The following GSE1 variants were observed in gnomAD, a reference collection of about 807,000 sequenced individuals.
The protein encoded by GSE1 is genetic suppressor element 1.
In GSE1, 32 loss-of-function variants were observed where a neutral mutation model predicts 112.6. That is an observed-to-expected ratio of 0.28 (90% CI 0.21 to 0.38). The LOEUF is 0.38. GSE1 is among the 10% of genes least tolerant of loss of function. The probability of loss-of-function intolerance (pLI) is 1.00; values close to 1 mark genes in which losing one functional copy is unlikely to be tolerated. For missense variants in GSE1, 2,348 were observed against 1,699.2 expected (o/e 1.38, Z -6.71); for synonymous variants, 1,115 against 735.6 (o/e 1.52, Z -8.35).
chr16:85,169,924 G>A (rs998203712), exon 1 of GSE1: 24 of 984,502 alleles, frequency 2.4e-5, no homozygotes, highest in Non-Finnish European at 2.9e-5. Context: ...CGGCGCCGGG[G>A]CCCCCCGCGA....
At chr16:85,465,213 C>T (rs1279150669) in intron 2 of GSE1, among the ~76,000 whole-genome samples, 2 of 152,240 alleles carry the variant, frequency 1.3e-5, no homozygotes. Context: ...GAATCCTGGG[C>T]TCCTCCATGG....
At chr16:85,587,378 C>G (rs536342460) in intron 1 of GSE1, among the ~76,000 whole-genome samples, 1 of 152,358 alleles carries the variant, frequency 6.6e-6, no homozygotes, top group East Asian at 1.9e-4. Context: ...TAAAAACCTT[C>G]CCCCGGCCCT....
At chr16:85,385,737 C>T (rs897808807) in intron 2 of GSE1, among the ~76,000 whole-genome samples, 3 of 152,340 alleles carry the variant, frequency 2.0e-5, no homozygotes, top group African/African-American at 7.2e-5. Context: ...CATCCTGGAG[C>T]CCTTCCGAGG....
At chr16:85,248,014 T>C (rs1038360296) in intron 1 of GSE1, among the ~76,000 whole-genome samples, 3 of 152,248 alleles carry the variant, frequency 2.0e-5, no homozygotes, top group Admixed American at 1.3e-4. Flanking sequence ...GGGGTGACCC[T>C]GGCTTTAAAA....
intron 15 of GSE1, chr16:85,672,019 G>C (rs2152028980): frequency 4.7e-6 from 1 of 210,880 alleles, no homozygotes; most frequent in African/African-American, 2.3e-5. Context: ...CTCTTTTTGA[G>C]GCGAAGTCTC....
At chr16:85,258,863 T>G (rs527782765) in intron 1 of GSE1, among the ~76,000 whole-genome samples, 2 of 152,290 alleles carry the variant, frequency 1.3e-5, no homozygotes, top group Non-Finnish European at 2.9e-5. Context: ...TCCCCGTTGT[T>G]CTGCCCATTG....
chr16:85,430,950 ACT>A (rs1385032772), intron 2 of GSE1, among the ~76,000 whole-genome samples: 3 of 151,476 alleles, frequency 2.0e-5, no homozygotes, highest in Admixed American at 6.6e-5. Flanking sequence ...GCTGCTTAAG[ACT>A]CTGCACTTTG....
intron 1 of GSE1, among the ~76,000 whole-genome samples, chr16:85,346,916 G>C (rs918521283): frequency 6.6e-6 from 1 of 151,762 alleles, no homozygotes; most frequent in Non-Finnish European, 1.5e-5. Context: ...TGAGTGGATG[G>C]TGAACAGGTG....
At chr16:85,589,337 A>G (rs1019607627) in intron 1 of GSE1, among the ~76,000 whole-genome samples, 1 of 151,402 alleles carries the variant, frequency 6.6e-6, no homozygotes, top group Non-Finnish European at 1.5e-5. Flanking sequence ...GTGGAGAGGG[A>G]GAGGGCTGTG....
chr16:85,644,343 CAAA>C (rs749279315), intron 2 of GSE1, among the ~76,000 whole-genome samples: 14 of 119,650 alleles, frequency 1.2e-4, no homozygotes, highest in Admixed American at 1.8e-4. Context: ...GATCCTGTCT[CAAA>C]AAAAAAAAAA....
chr16:85,647,823 G>A (rs1443343487), intron 2 of GSE1, among the ~76,000 whole-genome samples: 1 of 152,172 alleles, frequency 6.6e-6, no homozygotes, highest in Non-Finnish European at 1.5e-5. Flanking sequence ...CTGACCTCGT[G>A]ATCTGTCTGC....
intron 2 of GSE1, among the ~76,000 whole-genome samples, chr16:85,431,075 G>A (rs960722310): frequency 3.0e-5 from 1 of 33,632 alleles, no homozygotes; most frequent in African/African-American, 5.4e-5. Flanking sequence ...CCACTGCCTC[G>A]GGGGGCGGAT....
At chr16:85,638,498 C>G (rs956325081) in intron 2 of GSE1, among the ~76,000 whole-genome samples, 1 of 152,202 alleles carries the variant, frequency 6.6e-6, no homozygotes, top group Non-Finnish European at 1.5e-5. Context: ...CTGTGTGATC[C>G]GGGCAGGCCG....
chr16:85,533,236 C>T (rs1190801519), intron 2 of GSE1, among the ~76,000 whole-genome samples: 1 of 146,378 alleles, frequency 6.8e-6, no homozygotes, highest in East Asian at 2.0e-4. Context: ...ATGGCGAAAA[C>T]CTGTCTCTAC....
In GSE1 at chr16:85,170,049, G is replaced by A. The variant is rs578207652; in HGVS notation, c.525G>A (p.Glu175=). 1.0e-4 allele frequency: 99 copies of A among 984,806 alleles called. No individual in the cohort carries two copies. The African/African-American group carries it at 1.6e-3, about 16-fold the overall frequency. 61.0% of individuals were successfully genotyped at this position (984,806 alleles called of 1,614,324 possible). A position where few individuals can be genotyped will look rare whatever the true frequency, so the allele number is the denominator to read the frequency against. ...AGACGCGAGACTCCGACCTGTCGGAGCTGTCGGACACCGACCCCCTTTCCG... is the reference window on the plus strand; with the variant it reads ...AGACGCGAGACTCCGACCTGTCGGAACTGTCGGACACCGACCCCCTTTCCG... The change falls in exon 1 of 3, where the codon GAG becomes GAA. Residue 175 remains glutamate, a synonymous_variant. Transcript: ENST00000637419.
chr16:85,227,246 G>T (rs1447300142), intron 1 of GSE1, among the ~76,000 whole-genome samples: 1 of 152,172 alleles, frequency 6.6e-6, no homozygotes, highest in Non-Finnish European at 1.5e-5. Context: ...GTCTGGTTGG[G>T]AAGGCCTGTT....
chr16:85,668,286 C>G lies in GSE1; in HGVS notation c.3277C>G (p.Pro1093Ala). 6.2e-7 allele frequency: 1 copy of G among 1,613,078 alleles called. No individual in the cohort carries two copies. The highest frequency in any genetic ancestry group is 8.5e-7 in the Non-Finnish European group (1 of 1,179,226). ...QEPPTARKGPPTQELDRDSEE... is the reference protein window; with the variant it reads ...QEPPTARKGPATQELDRDSEE... ...GCCCCCCACTGCAAGGAAGGGCCCC[C>G]CAACCCAGGAGTTGGACCGGGACTC... The change falls in exon 14 of 16, where the codon CCA becomes GCA. Residue 1093 changes from proline (P) to alanine (A), a missense_variant. Coordinates refer to ENST00000253458, the MANE Select transcript of GSE1 (RefSeq NM_014615.5).
chr16:85,456,680 C>G (rs896359279), intron 2 of GSE1, among the ~76,000 whole-genome samples: 1 of 145,046 alleles, frequency 6.9e-6, no homozygotes, highest in Non-Finnish European at 1.5e-5. Flanking sequence ...GGACTTGAGG[C>G]AGCTAAGTGG....
chr16:85,474,472 C>T (rs1255522799), intron 2 of GSE1, among the ~76,000 whole-genome samples: 7 of 152,080 alleles, frequency 4.6e-5, no homozygotes, highest in East Asian at 3.9e-4. Context: ...ATGCCAGCCC[C>T]GGCGGGGAGT....
Sources: gnomAD v4.1 joint callset for allele counts (sites outside exome capture counted in the v4.1 genomes callset) on GRCh38, gnomAD v4.1.1 for gene constraint, MANE v1.5 for transcripts, NCBI Gene and HGNC (gene_info 2026-07-23, HGNC 2026-07-21) for gene names.